PDZRN3: variants seen among roughly 807,000 people sequenced by gnomAD.
PDZRN3 encodes E3 ubiquitin-protein ligase PDZRN3.
A neutral mutation model predicts 85.7 loss-of-function variants in PDZRN3; 38 were observed. The ratio of observed to expected loss-of-function variants is 0.44; its 90% CI spans 0.34 to 0.58. The LOEUF (loss-of-function observed/expected upper bound fraction) is 0.58, where lower values mean the gene tolerates loss of function less well. PDZRN3 is among the 20% of genes least tolerant of loss of function. The pLI is 0.01. For synonymous variants in PDZRN3, 759 were observed against 638.0 expected (o/e 1.19, Z -2.86); for missense variants, 1,629 against 1,506.4 (o/e 1.08, Z -1.35).
At position 73,523,722 on chromosome 3, in the gene PDZRN3, T is replaced by A. The variant is rs530405444; in HGVS notation, c.918+78632A>T. ...GCACAACTACAGGGATGGAATGGCTTCATAAGACAAGCATCAACCTCAGTG... is the reference window on the plus strand; with the variant it reads ...GCACAACTACAGGGATGGAATGGCTACATAAGACAAGCATCAACCTCAGTG... On this transcript the variant is annotated intron_variant, in intron 3 of 9. Coordinates refer to ENST00000263666, the MANE Select transcript of PDZRN3 (RefSeq NM_015009.3). Among the ~76,000 whole-genome samples, 3 of 152,288 alleles carry A rather than the reference T, an allele frequency of 2.0e-5. No individual in the cohort carries two copies. The East Asian group carries it at 5.8e-4, about 29-fold the overall frequency.
intron 3 of PDZRN3, among the ~76,000 whole-genome samples, chr3:73,501,489 G>T (rs1253078368): frequency 6.6e-6 from 1 of 152,136 alleles, no homozygotes; most frequent in Non-Finnish European, 1.5e-5. Flanking sequence ...GACTGCAGAC[G>T]ACTCCTAACG....
At chr3:73,405,455 C>A (rs1028157435) in intron 3 of PDZRN3, among the ~76,000 whole-genome samples, 8 of 152,146 alleles carry the variant, frequency 5.3e-5, no homozygotes, top group African/African-American at 1.9e-4. Context: ...GATTGGACTG[C>A]ATAAAATGTA....
In PDZRN3 at chr3:73,536,243, T is replaced by C. The variant is rs73838559; in HGVS notation, c.918+66111A>G. ...CAGAGATGTTGAAAGCTTCATTACA[T>C]TGAATTAATAAAATATCAAGAATGA... On this transcript the variant is annotated intron_variant, in intron 3 of 9. Coordinates refer to ENST00000263666, the MANE Select transcript of PDZRN3 (RefSeq NM_015009.3). 7.1e-3 allele frequency among the ~76,000 whole-genome samples: 1,078 copies of C among 152,374 alleles called. 3 individuals carry two copies. Among genetic ancestry groups the C allele is most frequent in the Middle Eastern group, 0.017 (5 of 294 alleles).
intron 1 of PDZRN3, among the ~76,000 whole-genome samples, chr3:73,621,080 C>T (rs1289867020): frequency 6.6e-6 from 1 of 152,180 alleles, no homozygotes; most frequent in Non-Finnish European, 1.5e-5. Flanking sequence ...AATATCAGGC[C>T]CCTGGCCAGC....
At chr3:73,594,340 TAAAC>T (rs200087452) in intron 3 of PDZRN3, among the ~76,000 whole-genome samples, 1,877 of 151,896 alleles carry the variant, frequency 0.012, 20 homozygotes, top group Non-Finnish European at 0.02. Context: ...CTGATATACA[TAAAC>T]AAGAAGAAAA....
chr3:73,543,642 G>T (rs1701340433), intron 3 of PDZRN3, among the ~76,000 whole-genome samples: 2 of 152,142 alleles, frequency 1.3e-5, no homozygotes, highest in Non-Finnish European at 2.9e-5. Flanking sequence ...AACATAGCTG[G>T]CACTGACAGA....
chr3:73,610,350 T>TA (rs1460552150), intron 1 of PDZRN3, among the ~76,000 whole-genome samples: 6 of 152,304 alleles, frequency 3.9e-5, no homozygotes, highest in African/African-American at 1.2e-4. Flanking sequence ...TATTGGTTTT[T>TA]AAAAAATGTT....
At chr3:73,504,887 G>A (rs895228268) in intron 3 of PDZRN3, among the ~76,000 whole-genome samples, 3 of 152,110 alleles carry the variant, frequency 2.0e-5, no homozygotes, top group Non-Finnish European at 2.9e-5. Flanking sequence ...GACCTGTGGG[G>A]AAATACACAA....
chr3:73,521,361 A>C (rs1035254654), intron 3 of PDZRN3, among the ~76,000 whole-genome samples: 4 of 152,116 alleles, frequency 2.6e-5, no homozygotes, highest in Non-Finnish European at 4.4e-5. Context: ...GCTTCAGAGG[A>C]TCAAAATGTG....
intron 3 of PDZRN3, among the ~76,000 whole-genome samples, chr3:73,581,973 GCC>G (rs1702208734): frequency 1.8e-5 from 1 of 55,412 alleles, no homozygotes; most frequent in Non-Finnish European, 4.7e-5. Flanking sequence ...GGTGGCACGT[GCC>G]TGTGGTACCA....
chr3:73,427,146 C>A (rs1247149250), intron 3 of PDZRN3, among the ~76,000 whole-genome samples: 1 of 152,144 alleles, frequency 6.6e-6, no homozygotes, highest in Non-Finnish European at 1.5e-5. Context: ...CTCAAAATGC[C>A]CTTGATGAAC....
At chr3:73,415,774 C>T (rs1702068598) in intron 3 of PDZRN3, among the ~76,000 whole-genome samples, 1 of 152,134 alleles carries the variant, frequency 6.6e-6, no homozygotes, top group African/African-American at 2.4e-5. Context: ...GCATTTTTGA[C>T]TTAAAATGGG....
chr3:73,470,793 C>G (rs1281461650), intron 3 of PDZRN3, among the ~76,000 whole-genome samples: 1 of 152,170 alleles, frequency 6.6e-6, no homozygotes, highest in African/African-American at 2.4e-5. Flanking sequence ...ATCATTCCGA[C>G]CAACTAGTCC....
chr3:73,397,821 G>A (rs1306300476), intron 5 of PDZRN3, among the ~76,000 whole-genome samples: 1 of 152,214 alleles, frequency 6.6e-6, no homozygotes, highest in Non-Finnish European at 1.5e-5. Context: ...TGGACAAAAT[G>A]TTAAAGCAAG....
At chr3:73,618,771 T>C (rs1488999630) in intron 1 of PDZRN3, among the ~76,000 whole-genome samples, 1 of 152,254 alleles carries the variant, frequency 6.6e-6, no homozygotes, top group East Asian at 1.9e-4. Flanking sequence ...ACTCATTTAA[T>C]CCAGTGTAGC....
chr3:73,615,278 G>T (rs1330321939), intron 1 of PDZRN3, among the ~76,000 whole-genome samples: 1 of 152,134 alleles, frequency 6.6e-6, no homozygotes, highest in South Asian at 2.1e-4. Context: ...TTATTTCCAC[G>T]AGCTTGATTT....
rs182374717 is a variant in PDZRN3 at position 73,622,438 on chromosome 3, A to G, written c.723+1665T>C. Among the ~76,000 whole-genome samples the G allele has an allele frequency of 4.3e-3, 659 of 152,314 alleles. 1 individual carries two copies. The highest frequency in any genetic ancestry group is 0.015 in the African/African-American group (638 of 41,556). ...CACACCATCTGGAGCAGGCAACCAG[A>G]GCGGTGGCAGCAGGCCCAGGCCCCT... On this transcript the variant is annotated intron_variant, in intron 1 of 9. Transcript: ENST00000263666.
At chr3:73,454,469 GA>G (rs1461789023) in intron 3 of PDZRN3, among the ~76,000 whole-genome samples, 39 of 152,300 alleles carry the variant, frequency 2.6e-4, no homozygotes, top group African/African-American at 8.4e-4. Context: ...AAAAGGGGCT[GA>G]TTTGAGTCGT....
intron 7 of PDZRN3, among the ~76,000 whole-genome samples, chr3:73,388,929 TCAAAAAAAA>T (rs1310925399): frequency 1.8e-3 from 4 of 2,280 alleles, no homozygotes; most frequent in African/African-American, 5.7e-3. Flanking sequence ...ACTCCAGCAA[TCAAAAAAAA>T]AAAAAAAAAA....
Sources: allele counts gnomAD v4.1 joint callset (sites outside exome capture counted in the v4.1 genomes callset), GRCh38; gene constraint gnomAD v4.1.1; transcripts MANE v1.5; gene names NCBI Gene and HGNC (gene_info 2026-07-23, HGNC 2026-07-21).